The following EBF2 variants were observed in gnomAD, a reference collection of about 807,000 sequenced individuals.
EBF2 encodes the protein transcription factor COE2.
A neutral mutation model predicts 72.8 loss-of-function variants in EBF2; 21 were observed. The observed-to-expected ratio is 0.29, with a 90% CI of 0.20 to 0.42. The LOEUF (loss-of-function observed/expected upper bound fraction) is 0.42. EBF2 is among the 10% of genes least tolerant of loss of function. EBF2 has a pLI of 1.00. For synonymous variants in EBF2, 299 were observed against 274.2 expected, an observed-to-expected ratio of 1.09 and a Z score of -0.89; for missense variants, 637 against 731.2, an observed-to-expected ratio of 0.87 and a Z score of 1.49.
chr8:26,004,179 T>G (rs1209180223), intron 6 of EBF2, among the ~76,000 whole-genome samples: 1 of 152,150 alleles, frequency 6.6e-6, no homozygotes, highest in Non-Finnish European at 1.5e-5. Flanking sequence ...GTTGTCACCA[T>G]TGGTTCCAAT....
intron 6 of EBF2, among the ~76,000 whole-genome samples, chr8:25,988,362 G>T (rs549027963): frequency 6.6e-4 from 101 of 152,288 alleles, no homozygotes; most frequent in African/African-American, 2.4e-3. Flanking sequence ...AAATATTCTA[G>T]GTGATCACAC....
In EBF2 at chr8:25,859,159, A is replaced by G. The variant is rs113352577; in HGVS notation, c.1343-655T>C. Reference sequence around the variant, plus strand: ...AGATATGATTGGTGTCACTGAGAAAACATTCTGTGGTCAAGTTAGGCTGGG... The same window carrying G: ...AGATATGATTGGTGTCACTGAGAAAGCATTCTGTGGTCAAGTTAGGCTGGG... On this transcript the variant is annotated intron_variant, in intron 13 of 15. Transcript: ENST00000520164. 8.7e-3 allele frequency among the ~76,000 whole-genome samples: 1,332 copies of G among 152,272 alleles called. 20 individuals are homozygous for G. The highest frequency in any genetic ancestry group is 0.031 in the African/African-American group (1,269 of 41,538).
chr8:25,927,244 T>C (rs1028808886), intron 6 of EBF2, among the ~76,000 whole-genome samples: 2 of 152,086 alleles, frequency 1.3e-5, no homozygotes, highest in African/African-American at 4.8e-5. Context: ...GTCTTATGAA[T>C]TTCAGACTTG....
chr8:26,018,168 C>T (rs1400142109), intron 6 of EBF2, among the ~76,000 whole-genome samples: 1 of 150,652 alleles, frequency 6.6e-6, no homozygotes, highest in African/African-American at 2.4e-5. Flanking sequence ...TTGAGAGCCA[C>T]AGAACAGCCA....
intron 6 of EBF2, among the ~76,000 whole-genome samples, chr8:25,928,673 T>G (rs17054634): frequency 0.038 from 5,782 of 150,408 alleles, 424 homozygotes; most frequent in African/African-American, 0.13. Flanking sequence ...AGTTTAACAA[T>G]GGAAATATGT....
intron 7 of EBF2, among the ~76,000 whole-genome samples, chr8:25,892,700 G>A (rs1257924252): frequency 6.6e-6 from 1 of 152,132 alleles, no homozygotes; most frequent in Admixed American, 6.6e-5. Context: ...CTTGAACATG[G>A]TGGTAACATA....
At chr8:25,978,990 C>T (rs115216622) in intron 6 of EBF2, among the ~76,000 whole-genome samples, 1 of 152,296 alleles carries the variant, frequency 6.6e-6, no homozygotes, top group African/African-American at 2.4e-5. Context: ...AACCACGCAG[C>T]ACCCTTAATC....
At chr8:25,858,019 G>C (rs1332924852) in intron 14 of EBF2, 2 of 530,528 alleles carry the variant, frequency 3.8e-6, no homozygotes, top group South Asian at 3.1e-5. Flanking sequence ...CACACATATT[G>C]TTAACAGAAA....
At chr8:25,940,950 G>A (rs187731296) in intron 6 of EBF2, among the ~76,000 whole-genome samples, 18 of 152,174 alleles carry the variant, frequency 1.2e-4, no homozygotes, top group African/African-American at 4.3e-4. Flanking sequence ...TGACAGCAGG[G>A]ATTATTTTTC....
chr8:25,910,928 T>C (rs768604560), intron 6 of EBF2, among the ~76,000 whole-genome samples: 22 of 152,296 alleles, frequency 1.4e-4, no homozygotes, highest in Non-Finnish European at 3.1e-4. Flanking sequence ...CCAGAAATTA[T>C]GGCCTGGATT....
At chr8:26,043,907 G>C (rs1414618457) in intron 1 of EBF2, among the ~76,000 whole-genome samples, 2 of 152,054 alleles carry the variant, frequency 1.3e-5, no homozygotes, top group African/African-American at 4.8e-5. Flanking sequence ...GTGGCACCCC[G>C]GACATGGTAT....
rs542838360 is a variant in EBF2, at chr8:25,862,578, A to C, written c.1098+131T>G. ...ATTTCATAGCAGATATTTTATGTGC[A>C]TCTCGTATCTAAAGCTTAGCCAAAT... On this transcript the variant is annotated intron_variant, in intron 11 of 15. Transcript: ENST00000520164. 45 of 489,058 alleles carry C rather than the reference A, an allele frequency of 9.2e-5. 1 individual carries two copies. Among genetic ancestry groups the C allele is most frequent in the Non-Finnish European group, 1.6e-4 (44 of 275,936 alleles). The allele number at this position is 489,058 out of a possible 1,614,324, so 30.3% of individuals were successfully genotyped here.
At chr8:25,968,164 G>A (rs12541364) in intron 6 of EBF2, among the ~76,000 whole-genome samples, 5 of 151,828 alleles carry the variant, frequency 3.3e-5, no homozygotes, top group South Asian at 2.1e-4. Context: ...AATCATGATC[G>A]AGCAATTCCA....
intron 6 of EBF2, among the ~76,000 whole-genome samples, chr8:25,951,483 A>G (rs1056689661): frequency 3.9e-5 from 6 of 152,172 alleles, no homozygotes; most frequent in South Asian, 2.1e-4. Flanking sequence ...TCACTTCCCA[A>G]TGGCCACCTG....
intron 6 of EBF2, among the ~76,000 whole-genome samples, chr8:25,994,100 TATC>T (rs1302588740): frequency 3.9e-5 from 6 of 152,068 alleles, no homozygotes; most frequent in African/African-American, 1.4e-4. Flanking sequence ...AAAATGCAGA[TATC>T]ATAATATGAA....
chr8:25,897,099 A>C (rs948930934), intron 7 of EBF2, among the ~76,000 whole-genome samples: 5 of 152,232 alleles, frequency 3.3e-5, no homozygotes, highest in African/African-American at 1.2e-4. Flanking sequence ...AGTCCCAGAC[A>C]GGAGAACACA....
chr8:25,844,532 A>G lies in EBF2; in HGVS notation c.*77T>C. On this transcript the variant is annotated 3_prime_UTR_variant, in exon 16 of 16. Coordinates refer to ENST00000520164, the MANE Select transcript of EBF2 (RefSeq NM_022659.4). Reference sequence around the variant, plus strand: ...CATGTGGGGGCACCACTACACCCCCAAAAGAGCTCCTAGTGCTTTCTTCAT... The same window carrying G: ...CATGTGGGGGCACCACTACACCCCCGAAAGAGCTCCTAGTGCTTTCTTCAT... 1 of 1,567,394 alleles carries G rather than the reference A, an allele frequency of 6.4e-7. No homozygotes were observed. The highest frequency in any genetic ancestry group is 8.8e-7 in the Non-Finnish European group (1 of 1,138,422).
chr8:25,974,717 C>T (rs1183588799), intron 6 of EBF2, among the ~76,000 whole-genome samples: 1 of 151,922 alleles, frequency 6.6e-6, no homozygotes, highest in African/African-American at 2.4e-5. Context: ...ATTATGAGTC[C>T]CTGCTTTCCT....
chr8:26,026,162 G>A (rs1805299887), intron 6 of EBF2, among the ~76,000 whole-genome samples: 1 of 152,080 alleles, frequency 6.6e-6, no homozygotes, highest in African/African-American at 2.4e-5. Flanking sequence ...GGGCAACAGA[G>A]CAAGAGCCTG....
Sources: gnomAD v4.1 joint callset for allele counts (sites outside exome capture counted in the v4.1 genomes callset) on GRCh38, gnomAD v4.1.1 for gene constraint, MANE v1.5 for transcripts, NCBI Gene and HGNC (gene_info 2026-07-23, HGNC 2026-07-21) for gene names.